Variants in ADAMTSL4 observed in about 807,000 individuals in gnomAD.
ADAMTSL4 encodes ADAMTS like 4.
A neutral mutation model predicts 122.8 loss-of-function variants in ADAMTSL4; 97 were observed. The ratio of observed to expected loss-of-function variants is 0.79; its 90% confidence interval spans 0.67 to 0.93. The LOEUF is 0.93. Among genes scored for constraint, ADAMTSL4 ranks in the 40% least tolerant of loss-of-function variants. The pLI, the probability that ADAMTSL4 is intolerant of heterozygous loss-of-function variation, is 0.00. For synonymous variants in ADAMTSL4, 592 were observed against 568.0 expected (o/e 1.04, Z -0.60); for missense variants, 1,408 against 1,453.5 (o/e 0.97, Z 0.51).
intron 2 of ADAMTSL4, chr1:150,551,674 G>A (rs1560282893): frequency 6.4e-6 from 1 of 155,618 alleles, no homozygotes; most frequent in Non-Finnish European, 1.4e-5. Context: ...CAAGGCAGGA[G>A]AAGCGCTTGA....
chr1:150,553,638 C>T lies in ADAMTSL4; in HGVS notation c.647C>T (p.Pro216Leu), dbSNP rs779305942. Residue 216 changes from proline (P) to leucine (L), a missense_variant, in exon 6 of 19, where the codon CCC becomes CTC. Physicochemically the swap from Pro to Leu is moderately conservative, Grantham distance 98. Transcript: ENST00000271643. The part of the protein sequence containing the change: ...ANGSPQTELP[P>L]TELSVHTPSP... Reference sequence around the variant, plus strand: ...GGCAGCCCCCAAACTGAGCTCCCTCCCACAGAACTGTCTGTCCACACCCCA... The same window carrying T: ...GGCAGCCCCCAAACTGAGCTCCCTCTCACAGAACTGTCTGTCCACACCCCA... 12 of 1,613,684 alleles carry T rather than the reference C, an allele frequency of 7.4e-6. No homozygotes were observed. Among genetic ancestry groups the T allele is most frequent in the Non-Finnish European group, 1.0e-5 (12 of 1,179,916 alleles).
rs1311410084 is a variant in ADAMTSL4 at position 150,554,236 on chromosome 1, G to A, written c.1131+114G>A. Reference sequence around the variant, plus strand: ...CTGAGGGAGAAGGGCCTTGGCATCTGACCACCTCAGGGCAGGGGTCTTGGA... The same window carrying A: ...CTGAGGGAGAAGGGCCTTGGCATCTAACCACCTCAGGGCAGGGGTCTTGGA... On this transcript the variant is annotated intron_variant, in intron 6 of 18. Coordinates refer to ENST00000271643, the MANE Select transcript of ADAMTSL4 (RefSeq NM_019032.6). The surrounding 1 kb of genome is among the most constrained non-coding windows in gnomAD (Gnocchi z 4.0). The A allele has an allele frequency of 6.9e-7, 1 of 1,448,220 alleles. No individual in the cohort carries two copies. 89.7% of individuals were successfully genotyped at this position (1,448,220 alleles called of 1,614,324 possible).
Position 150,558,518 on chromosome 1 carries a change from T to G in ADAMTSL4, c.2428T>G (p.Cys810Gly). The G allele has an allele frequency of 6.2e-7, 1 of 1,613,836 alleles. No individual in the cohort carries two copies. Among genetic ancestry groups the G allele is most frequent in the African/African-American group, 1.3e-5 (1 of 75,038 alleles). Residue 810 changes from cysteine to glycine, a missense_variant, in exon 15 of 19, where the codon TGT becomes GGT. Cys to Gly is a radical substitution (Grantham distance 159, BLOSUM62 -3). Coordinates refer to ENST00000271643, the MANE Select transcript of ADAMTSL4 (RefSeq NM_019032.6). ...GGGCCAGAGAAGCCGGCAGGTTCGC[T>G]GTGTTGGGAACAATGGTGATGAAGT... ...GRGQRSRQVR[C>G]VGNNGDEVSE...
Position 150,558,657 on chromosome 1 carries a change from C to T in ADAMTSL4, c.2559+8C>T, listed in dbSNP as rs587720574. 89 of 1,613,614 alleles carry T rather than the reference C, an allele frequency of 5.5e-5. No homozygotes were observed. Among genetic ancestry groups the T allele is most frequent in the Middle Eastern group, 1.6e-4 (1 of 6,062 alleles). Reference sequence around the variant, plus strand: ...AGCGACTGGAGCTCCAAGGTGAGCCCGGAACCCCCAGCCATATCCTGCATC... The same window carrying T: ...AGCGACTGGAGCTCCAAGGTGAGCCTGGAACCCCCAGCCATATCCTGCATC... On this transcript the variant is annotated splice_region_variant and intron_variant, in intron 15 of 18. Coordinates refer to ENST00000271643, the MANE Select transcript of ADAMTSL4 (RefSeq NM_019032.6).
Position 150,559,476 on chromosome 1 carries a change from T to C in ADAMTSL4, c.2943+10T>C, listed in dbSNP as rs113119863. On this transcript the variant is annotated intron_variant, in intron 17 of 18. Coordinates refer to ENST00000271643, the MANE Select transcript of ADAMTSL4 (RefSeq NM_019032.6). This position sits in a 1 kb window ranked among gnomAD's most constrained non-coding sequence, Gnocchi z 4.1. ...CACGCCCTGGAGCCCAGTGAGTGTC[T>C]GGCTGCGCTGTCCTGCCCTGCTCAG... 2 of 1,612,818 alleles carry C rather than the reference T, an allele frequency of 1.2e-6. No homozygotes were observed. Among genetic ancestry groups the C allele is most frequent in the African/African-American group, 2.7e-5 (2 of 75,016 alleles).
In ADAMTSL4 at chr1:150,560,804, G is replaced by A. The variant is rs779893642; in HGVS notation, c.*608G>A. ...AGAGCAAGGCCCAGCTGGGCAGAGGGTGAAAAAGAGAAATGTGAGCATCCG... is the reference window on the plus strand; with the variant it reads ...AGAGCAAGGCCCAGCTGGGCAGAGGATGAAAAAGAGAAATGTGAGCATCCG... On this transcript the variant is annotated 3_prime_UTR_variant, in exon 19 of 19. Coordinates refer to ENST00000271643, the MANE Select transcript of ADAMTSL4 (RefSeq NM_019032.6). 1 of 158,998 alleles carries A rather than the reference G, an allele frequency of 6.3e-6. No homozygotes were observed. The highest frequency in any genetic ancestry group is 1.4e-5 in the Non-Finnish European group (1 of 71,572). The allele number at this position is 158,998 out of a possible 1,614,324, so 9.8% of individuals were successfully genotyped here.
At position 150,557,657 on chromosome 1, in the gene ADAMTSL4, G is replaced by A. The variant is rs770724926; in HGVS notation, c.2177+34G>A. 11 of 1,585,570 alleles carry A rather than the reference G, an allele frequency of 6.9e-6. No homozygotes were observed. The Admixed American group carries it at 8.8e-5, about 13-fold the overall frequency. On this transcript the variant is annotated intron_variant, in intron 13 of 18. Coordinates refer to ENST00000271643, the MANE Select transcript of ADAMTSL4 (RefSeq NM_019032.6). ...GGGGGAGCCCACGGGGAGGGTTAGG[G>A]TACTGGAAACACAGCAGTTGCCCCC... is the stretch of plus-strand genomic sequence containing the variant.
rs1204360962 is a variant in ADAMTSL4, at chr1:150,560,069, G to T, written c.3098G>T (p.Cys1033Phe). 6.2e-7 allele frequency: 1 copy of T among 1,613,996 alleles called. No individual in the cohort carries two copies. Among genetic ancestry groups the T allele is most frequent in the Non-Finnish European group, 8.5e-7 (1 of 1,180,034 alleles). The change falls in exon 19 of 19, where the codon TGC becomes TTC. Residue 1033 changes from cysteine to phenylalanine, a missense_variant. By Grantham distance (205) the Cys-to-Phe change is radical. Transcript: ENST00000271643. Reference sequence around the variant, plus strand: ...CCTCCTCTGTCCCCAGATGATCAATGCAAGGACAGCTCTCCACATTGCCCC... The same window carrying T: ...CCTCCTCTGTCCCCAGATGATCAATTCAAGGACAGCTCTCCACATTGCCCC... ...QPCSQRPDDQCKDSSPHCPLV... is the reference protein window; with the variant it reads ...QPCSQRPDDQFKDSSPHCPLV...
In ADAMTSL4 at chr1:150,555,495, C is replaced by T. The variant is rs1380934079; in HGVS notation, c.1301C>T (p.Thr434Ile). The T allele has an allele frequency of 3.1e-6, 5 of 1,614,174 alleles. No homozygotes were observed. The highest frequency in any genetic ancestry group is 4.2e-6 in the Non-Finnish European group (5 of 1,180,024). The change falls in exon 8 of 19, where the codon ACT becomes ATT. Residue 434 changes from threonine to isoleucine, a missense_variant. Physicochemically the swap from Thr to Ile is moderately conservative, Grantham distance 89. Transcript: ENST00000271643. The part of the protein sequence containing the change: ...PRGFRFYVRH[T>I]EKVQDGTLCQ... The stretch of plus-strand genomic sequence containing the variant: ...GGCTTCCGCTTCTATGTCCGTCACA[C>T]TGAAAAGGTCCAGGATGGGACCCTG...
Position 150,553,271 on chromosome 1 carries a change from A to G in ADAMTSL4, c.434+18A>G. 1 of 1,610,670 alleles carries G rather than the reference A, an allele frequency of 6.2e-7. No individual in the cohort carries two copies. The highest frequency in any genetic ancestry group is 1.7e-4 in the Middle Eastern group (1 of 6,044). ...GCCAGGAGGTGAGAGGCCTGGGTGG[A>G]AGAGGTGGGCCTTGGGCAAGGTGGG... On this transcript the variant is annotated intron_variant, in intron 5 of 18. Transcript: ENST00000271643.
Position 150,559,855 on chromosome 1 carries a change from G to T in ADAMTSL4, c.3038G>T (p.Arg1013Leu). 2 of 1,613,956 alleles carry T rather than the reference G, an allele frequency of 1.2e-6. No individual in the cohort carries two copies. The highest frequency in any genetic ancestry group is 1.7e-6 in the Non-Finnish European group (2 of 1,180,004). Residue 1013 changes from arginine to leucine, a missense_variant, in exon 18 of 19, where the codon CGG (arginine) becomes CTG (leucine). By Grantham distance (102) the Arg-to-Leu change is moderately radical. Transcript: ENST00000271643. The surrounding 1 kb of genome is among the most constrained non-coding windows in gnomAD (Gnocchi z 4.1). Reference sequence around the variant, plus strand: ...AGCACCCGATGCCCTCCTCAACTGCGGCCCTCCAGGAAGCGCCCCTGTAAC... The same window carrying T: ...AGCACCCGATGCCCTCCTCAACTGCTGCCCTCCAGGAAGCGCCCCTGTAAC... ...TLSTRCPPQL[R>L]PSRKRPCNSQ...
chr1:150,553,294 G>A (rs587632179), intron 5 of ADAMTSL4, 41 bp downstream of exon 5: 1 of 1,609,812 alleles, frequency 6.2e-7, no homozygotes, highest in South Asian at 1.1e-5. Context: ...TGGGCAAGGT[G>A]GGGGCTTAGC....
In ADAMTSL4 at chr1:150,559,542, C is replaced by G. The variant is rs1025431140; in HGVS notation, c.2943+76C>G. 3.1e-6 allele frequency: 5 copies of G among 1,594,478 alleles called. No individual in the cohort carries two copies. The highest frequency in any genetic ancestry group is 1.7e-5 in the Admixed American group (1 of 59,472). On this transcript the variant is annotated intron_variant, in intron 17 of 18. Transcript: ENST00000271643. This position sits in a 1 kb window ranked among gnomAD's most constrained non-coding sequence, Gnocchi z 4.1. ...GAGGGGAGCTCCTCTCGCTGTACCCCCTCCAGGTCTCTCTGTGCCCCAGAA... is the reference window on the plus strand; with the variant it reads ...GAGGGGAGCTCCTCTCGCTGTACCCGCTCCAGGTCTCTCTGTGCCCCAGAA...
rs768078661 is a variant in ADAMTSL4 at position 150,553,983 on chromosome 1, A to C, written c.992A>C (p.Asp331Ala). 2.5e-6 allele frequency: 4 copies of C among 1,611,312 alleles called. No individual in the cohort carries two copies. Among genetic ancestry groups the C allele is most frequent in the Non-Finnish European group, 3.4e-6 (4 of 1,179,386 alleles). Residue 331 changes from aspartate to alanine, a missense_variant, in exon 6 of 19, where the codon GAC (aspartate) becomes GCC (alanine). By Grantham distance (126) the Asp-to-Ala change is moderately radical. Coordinates refer to ENST00000271643, the MANE Select transcript of ADAMTSL4 (RefSeq NM_019032.6). ...GTPHGPRLEP[D>A]PQHPGAWLPL... ...CCTCACGGGCCCCGCCTGGAGCCTGACCCTCAGCACCCGGGCGCCTGGCTG... is the reference window on the plus strand; with the variant it reads ...CCTCACGGGCCCCGCCTGGAGCCTGCCCCTCAGCACCCGGGCGCCTGGCTG...
At position 150,558,583 on chromosome 1, in the gene ADAMTSL4, C is replaced by A. The variant is rs1350606011; in HGVS notation, c.2493C>A (p.Pro831=). The change falls in exon 15 of 19, where the codon CCC becomes CCA. Residue 831 remains proline (P), a synonymous_variant. Transcript: ENST00000271643. The stretch of plus-strand genomic sequence containing the variant: ...GTGCGTCAGGCCCCCCGCAGCCCCC[C>A]AGCAGAGAGGCCTGTGACATGGGGC... ...QECASGPPQP[P]SREACDMGPC... 2.5e-6 allele frequency: 4 copies of A among 1,613,718 alleles called. No homozygotes were observed. The African/African-American group carries it at 5.3e-5, about 22-fold the overall frequency.
intron 14 of ADAMTSL4, 132 bp downstream of exon 14, chr1:150,558,281 G>A: frequency 6.5e-7 from 1 of 1,529,360 alleles, no homozygotes; most frequent in South Asian, 1.2e-5. Flanking sequence ...CCCCAATATA[G>A]AAGTCAGATA....
At position 150,558,061 on chromosome 1, in the gene ADAMTSL4, G is replaced by A. The variant is rs147697849; in HGVS notation, c.2294G>A (p.Arg765His). 109 of 1,613,044 alleles carry A rather than the reference G, an allele frequency of 6.8e-5. No homozygotes were observed. In the Middle Eastern group the frequency reaches 1.3e-3, roughly 20 times the overall value. Residue 765 changes from arginine (R) to histidine (H), a missense_variant, in exon 14 of 19, where the codon CGC becomes CAC. By Grantham distance (29) the Arg-to-His change is conservative (BLOSUM62 0). Coordinates refer to ENST00000271643, the MANE Select transcript of ADAMTSL4 (RefSeq NM_019032.6). The stretch of plus-strand genomic sequence containing the variant: ...GGTGGCTCCTCGGTGCCCCCGGAGC[G>A]CTGTGGACATCTCCCCCGGCCCAAC... ...GGGGSSVPPE[R>H]CGHLPRPNIT... is the part of the protein sequence containing the mutation.
At position 150,554,204 on chromosome 1, in the gene ADAMTSL4, T is replaced by G; in HGVS notation, c.1131+82T>G. ...CTGAAGCTGGGTCTTCAGCTTCCGCTTGGCACCTGAGGGAGAAGGGCCTTG... is the reference window on the plus strand; with the variant it reads ...CTGAAGCTGGGTCTTCAGCTTCCGCGTGGCACCTGAGGGAGAAGGGCCTTG... On this transcript the variant is annotated intron_variant, in intron 6 of 18. Transcript: ENST00000271643. The surrounding 1 kb of genome is among the most constrained non-coding windows in gnomAD (Gnocchi z 4.0). 6.5e-7 allele frequency: 1 copy of G among 1,533,346 alleles called. No individual in the cohort carries two copies. Among genetic ancestry groups the G allele is most frequent in the Middle Eastern group, 2.2e-4 (1 of 4,488 alleles). The allele number at this position is 1,533,346 out of a possible 1,614,324, so 95.0% of individuals were successfully genotyped here.
At chr1:150,555,368 C>T in intron 7 of ADAMTSL4, 61 bp from the exon 8 acceptor site, 2 of 1,606,642 alleles carry the variant, frequency 1.2e-6, no homozygotes, top group Admixed American at 1.7e-5. Flanking sequence ...CCCTCTGGGG[C>T]CTCTCTCAGC....
Sources: allele counts gnomAD v4.1 joint callset, GRCh38; gene constraint gnomAD v4.1.1; non-coding constraint Gnocchi (gnomAD v3.1); transcripts MANE v1.5; gene names NCBI Gene and HGNC (gene_info 2026-07-23, HGNC 2026-07-21).